The following MCF2L2 variants were observed in gnomAD, a reference collection of about 807,000 sequenced individuals.
The protein encoded by MCF2L2 is MCF.2 cell line derived transforming sequence-like 2.
MCF2L2 carries 102 observed loss-of-function variants against 150.2 expected under a neutral mutation model. That is an observed-to-expected ratio of 0.68 (90% CI 0.58 to 0.80). The LOEUF (loss-of-function observed/expected upper bound fraction) is 0.80, where lower values mean the gene tolerates loss of function less well. Among genes scored for constraint, MCF2L2 ranks in the 30% least tolerant of loss-of-function variants. The pLI is 0.00. For missense variants in MCF2L2, 1,256 were observed against 1,372.8 expected (o/e 0.91, Z 1.34); for synonymous variants, 465 against 491.3 (o/e 0.95, Z 0.71).
intron 15 of MCF2L2, among the ~76,000 whole-genome samples, chr3:183,261,403 CTTTAG>C (rs1443883263): frequency 6.6e-6 from 1 of 152,102 alleles, no homozygotes; most frequent in East Asian, 1.9e-4. Context: ...TCTTTCTTTC[CTTTAG>C]TTATGTGTGG....
intron 15 of MCF2L2, among the ~76,000 whole-genome samples, chr3:183,235,529 AC>A (rs1233105107): frequency 2.5e-5 from 1 of 40,034 alleles, no homozygotes; most frequent in Non-Finnish European, 3.9e-5. Flanking sequence ...TCCTTCGCCC[AC>A]TTTTTGATGG....
At chr3:183,362,087 G>A (rs1332735578) in intron 3 of MCF2L2, among the ~76,000 whole-genome samples, 2 of 151,474 alleles carry the variant, frequency 1.3e-5, no homozygotes, top group African/African-American at 4.9e-5. Flanking sequence ...GAAAACATCT[G>A]AAATACTTCT....
Position 183,398,843 on chromosome 3 carries a change from A to C in MCF2L2, c.77-9064T>G, listed in dbSNP as rs961616554. ...ATACTCAACTTTCACTGTTGTCTTG[A>C]GTCACAGAATAAAATGACTGACAGC... On this transcript the variant is annotated intron_variant, in intron 1 of 29. Coordinates refer to ENST00000328913, the MANE Select transcript of MCF2L2 (RefSeq NM_015078.4). Among the ~76,000 whole-genome samples, 61 of 152,288 alleles carry C rather than the reference A, an allele frequency of 4.0e-4. 1 individual carries two copies. The highest frequency in any genetic ancestry group is 1.4e-3 in the African/African-American group (59 of 41,558).
chr3:183,387,598 T>C (rs529187766), intron 2 of MCF2L2, among the ~76,000 whole-genome samples: 1 of 152,300 alleles, frequency 6.6e-6, no homozygotes, highest in East Asian at 1.9e-4. Context: ...TATTCAGCAG[T>C]TGCAATACTA....
intron 6 of MCF2L2, among the ~76,000 whole-genome samples, chr3:183,321,388 A>C (rs1729803485): frequency 6.7e-6 from 1 of 148,842 alleles, no homozygotes; most frequent in African/African-American, 2.5e-5. Flanking sequence ...CAGTGAGCTG[A>C]GATTGTGCCA....
At chr3:183,393,620 A>C (rs1476152836) in intron 1 of MCF2L2, among the ~76,000 whole-genome samples, 1 of 152,250 alleles carries the variant, frequency 6.6e-6, no homozygotes, top group Non-Finnish European at 1.5e-5. Flanking sequence ...TGATAAGTAC[A>C]CAGAAGTGTG....
intron 22 of MCF2L2, among the ~76,000 whole-genome samples, chr3:183,210,442 C>T (rs1324254679): frequency 2.6e-5 from 4 of 152,126 alleles, no homozygotes; most frequent in South Asian, 2.1e-4. Flanking sequence ...ATACACAAAC[C>T]GGTTGTTCAG....
At chr3:183,397,902 C>CATAGA (rs796414489) in intron 1 of MCF2L2, among the ~76,000 whole-genome samples, 77 of 152,194 alleles carry the variant, frequency 5.1e-4, no homozygotes, top group African/African-American at 1.7e-3. Flanking sequence ...ATGATAAAGC[C>CATAGA]ATAGAATACT....
At chr3:183,323,944 A>G (rs1729922425) in intron 5 of MCF2L2, among the ~76,000 whole-genome samples, 1 of 152,144 alleles carries the variant, frequency 6.6e-6, no homozygotes, top group African/African-American at 2.4e-5. Context: ...GGCTACCTAG[A>G]AGTCAGGCCT....
At chr3:183,319,657 A>T (rs1266153670) in intron 6 of MCF2L2, among the ~76,000 whole-genome samples, 1 of 152,224 alleles carries the variant, frequency 6.6e-6, no homozygotes, top group Non-Finnish European at 1.5e-5. Flanking sequence ...AGGCATGAAA[A>T]CATTCAACTC....
intron 25 of MCF2L2, among the ~76,000 whole-genome samples, chr3:183,198,812 A>G (rs1248180137): frequency 6.6e-6 from 1 of 152,182 alleles, no homozygotes; most frequent in African/African-American, 2.4e-5. Context: ...AGGATTTCTA[A>G]ACAAGCTTGT....
chr3:183,284,003 T>TG (rs1727650672), intron 14 of MCF2L2, among the ~76,000 whole-genome samples: 2 of 152,214 alleles, frequency 1.3e-5, no homozygotes, highest in Admixed American at 1.3e-4. Flanking sequence ...TCAAGTTTCC[T>TG]GAGTTTAGGC....
chr3:183,293,138 CAGA>C (rs1312456755), intron 13 of MCF2L2, among the ~76,000 whole-genome samples: 1 of 151,882 alleles, frequency 6.6e-6, no homozygotes, highest in Non-Finnish European at 1.5e-5. Context: ...AATACAAAGA[CAGA>C]AGAATAGAAA....
At chr3:183,332,688 C>T (rs1040273895) in intron 5 of MCF2L2, among the ~76,000 whole-genome samples, 1 of 152,136 alleles carries the variant, frequency 6.6e-6, no homozygotes, top group African/African-American at 2.4e-5. Flanking sequence ...AGGGGAGTCA[C>T]GAAGGGACTC....
intron 1 of MCF2L2, among the ~76,000 whole-genome samples, chr3:183,424,274 T>A (rs957854445): frequency 6.6e-6 from 1 of 152,202 alleles, no homozygotes; most frequent in Non-Finnish European, 1.5e-5. Flanking sequence ...GCATATTTTA[T>A]AAGAGTTCCT....
chr3:183,341,929 C>G (rs1577076285), intron 3 of MCF2L2, among the ~76,000 whole-genome samples: 1 of 152,318 alleles, frequency 6.6e-6, no homozygotes, highest in Middle Eastern at 3.4e-3. Context: ...ATCACATATT[C>G]CCAATGTAGG....
chr3:183,257,572 C>T (rs1166195194), intron 15 of MCF2L2, among the ~76,000 whole-genome samples: 1 of 152,170 alleles, frequency 6.6e-6, no homozygotes, highest in African/African-American at 2.4e-5. Context: ...AAATGTTGAT[C>T]CACCAAGACA....
chr3:183,383,936 G>C (rs1047233541), intron 2 of MCF2L2, among the ~76,000 whole-genome samples: 1 of 152,096 alleles, frequency 6.6e-6, no homozygotes, highest in Non-Finnish European at 1.5e-5. Context: ...TGCTATCTCT[G>C]AGCTGAGAAT....
At position 183,181,713 on chromosome 3, in the gene MCF2L2, A is replaced by G. The variant is rs1721528518; in HGVS notation, c.3017-1554T>C. 6.6e-6 allele frequency among the ~76,000 whole-genome samples: 1 copy of G among 151,958 alleles called. No individual in the cohort carries two copies. The highest frequency in any genetic ancestry group is 1.5e-5 in the Non-Finnish European group (1 of 68,020). On this transcript the variant is annotated intron_variant, in intron 27 of 29. Transcript: ENST00000328913. The surrounding 1 kb of genome is among the most constrained non-coding windows in gnomAD (Gnocchi z 4.3). The stretch of plus-strand genomic sequence containing the variant: ...TTGACCATCCCCTGCATGAATAGGA[A>G]GGGCTGTGTCTCCAGGGTCCATGGC...
Sources: allele counts gnomAD v4.1 joint callset (sites outside exome capture counted in the v4.1 genomes callset), GRCh38; gene constraint gnomAD v4.1.1; non-coding constraint Gnocchi (gnomAD v3.1); transcripts MANE v1.5; gene names NCBI Gene and HGNC (gene_info 2026-07-23, HGNC 2026-07-21).